Variants in ADAMTS3 observed in about 807,000 individuals in gnomAD.
ADAMTS3 encodes the protein ADAM metallopeptidase with thrombospondin type 1 motif 3, also known as A disintegrin and metalloproteinase with thrombospondin motifs 3.
A neutral mutation model predicts 129.0 loss-of-function variants in ADAMTS3; 73 were observed. The observed-to-expected ratio is 0.57, with a 90% CI of 0.47 to 0.69. ADAMTS3 has a LOEUF of 0.69. Among genes scored for constraint, ADAMTS3 ranks in the 30% least tolerant of loss-of-function variants. The probability of loss-of-function intolerance (pLI) is 0.00; values close to 1 mark genes in which losing one functional copy is unlikely to be tolerated. For synonymous variants in ADAMTS3, 477 were observed against 510.8 expected, an observed-to-expected ratio of 0.93 and a Z score of 0.89; for missense variants, 1,457 against 1,514.5, an observed-to-expected ratio of 0.96 and a Z score of 0.63.
intron 3 of ADAMTS3, among the ~76,000 whole-genome samples, chr4:72,458,961 A>G (rs1241620643): frequency 6.6e-6 from 1 of 151,674 alleles, no homozygotes; most frequent in African/African-American, 2.4e-5. Context: ...ACAGCAATTG[A>G]CAAAAACTGG....
At chr4:72,406,134 G>T (rs757993346) in intron 4 of ADAMTS3, among the ~76,000 whole-genome samples, 2 of 152,062 alleles carry the variant, frequency 1.3e-5, no homozygotes, top group Non-Finnish European at 2.9e-5. Flanking sequence ...TGAGTGAGTG[G>T]ATCATATAGG....
chr4:72,328,329 C>A (rs990596354), intron 5 of ADAMTS3, among the ~76,000 whole-genome samples: 1 of 152,318 alleles, frequency 6.6e-6, no homozygotes, highest in Non-Finnish European at 1.5e-5. Context: ...AAAATTCCTT[C>A]CAGGTTTGTT....
intron 2 of ADAMTS3, among the ~76,000 whole-genome samples, chr4:72,556,926 A>G (rs895262282): frequency 6.6e-6 from 1 of 151,454 alleles, no homozygotes; most frequent in African/African-American, 2.4e-5. Context: ...CTATAATCCC[A>G]CCCAGCCTGA....
chr4:72,283,752 A>C, intron 21 of ADAMTS3, 48 bp from the exon 22 acceptor site: 1 of 1,451,892 alleles, frequency 6.9e-7, no homozygotes. Flanking sequence ...CTAAACATAA[A>C]ATAAAAGGAG....
intron 3 of ADAMTS3, among the ~76,000 whole-genome samples, chr4:72,452,822 TCTAA>T (rs1282053349): frequency 6.6e-6 from 1 of 151,762 alleles, no homozygotes; most frequent in Non-Finnish European, 1.5e-5. Context: ...CTATCTTGGT[TCTAA>T]CTATTTACTT....
intron 4 of ADAMTS3, among the ~76,000 whole-genome samples, chr4:72,365,846 T>G (rs1424773812): frequency 6.6e-6 from 1 of 152,160 alleles, no homozygotes; most frequent in Non-Finnish European, 1.5e-5. Flanking sequence ...GCAAATAATA[T>G]CAATGAAAAC....
intron 3 of ADAMTS3, among the ~76,000 whole-genome samples, chr4:72,506,952 C>T (rs941695997): frequency 2.0e-5 from 3 of 152,148 alleles, no homozygotes; most frequent in Admixed American, 2.0e-4. Flanking sequence ...CTGAAGCACA[C>T]TAAAAGCCTC....
At chr4:72,377,720 T>G (rs1010835095) in intron 4 of ADAMTS3, among the ~76,000 whole-genome samples, 1 of 152,188 alleles carries the variant, frequency 6.6e-6, no homozygotes, top group Non-Finnish European at 1.5e-5. Flanking sequence ...ATGATCTAAG[T>G]GGCCTTTGAT....
intron 3 of ADAMTS3, among the ~76,000 whole-genome samples, chr4:72,444,174 T>A (rs1407506633): frequency 1.3e-5 from 2 of 151,732 alleles, no homozygotes; most frequent in East Asian, 3.9e-4. Context: ...AATACAAACA[T>A]AAAAATGCAC....
In ADAMTS3 at chr4:72,288,860, C is replaced by A; in HGVS notation, c.2940G>T (p.Val980=). The A allele has an allele frequency of 6.2e-7, 1 of 1,608,478 alleles. No homozygotes were observed. Among genetic ancestry groups the A allele is most frequent in the South Asian group, 1.1e-5 (1 of 90,920 alleles). The change falls in exon 21 of 22, where the codon GTG becomes GTT. Residue 980 remains valine, a synonymous_variant. Coordinates refer to ENST00000286657, the MANE Select transcript of ADAMTS3 (RefSeq NM_014243.3). ...TCACCTCCGTTCCTTCACCGCAGGT[C>A]ACTGAACACTGCAGAGACAAAGGCT... is the stretch of plus-strand genomic sequence containing the variant. ...WKTGPWSECS[V]TCGEGTEVRQ... is the part of the protein sequence containing the mutation.
At chr4:72,554,799 A>T (rs1408794806) in intron 2 of ADAMTS3, among the ~76,000 whole-genome samples, 1 of 151,808 alleles carries the variant, frequency 6.6e-6, no homozygotes, top group Non-Finnish European at 1.5e-5. Flanking sequence ...ATACCAAAAT[A>T]CTGTCTAAAT....
chr4:72,437,796 C>G (rs1717988897), intron 3 of ADAMTS3, among the ~76,000 whole-genome samples: 1 of 151,758 alleles, frequency 6.6e-6, no homozygotes, highest in Non-Finnish European at 1.5e-5. Context: ...TCTTTCTGAT[C>G]TCAAAACTGC....
At chr4:72,452,724 A>C (rs1224729472) in intron 3 of ADAMTS3, among the ~76,000 whole-genome samples, 1 of 151,762 alleles carries the variant, frequency 6.6e-6, no homozygotes, top group East Asian at 2.0e-4. Flanking sequence ...GGTCTGAACC[A>C]CACAGTCCTA....
At chr4:72,473,982 T>TC (rs1719153583) in intron 3 of ADAMTS3, among the ~76,000 whole-genome samples, 1 of 152,218 alleles carries the variant, frequency 6.6e-6, no homozygotes, top group Non-Finnish European at 1.5e-5. Flanking sequence ...GAGACACTCC[T>TC]GTCTTCAGGA....
intron 3 of ADAMTS3, among the ~76,000 whole-genome samples, chr4:72,531,770 G>A (rs1055131093): frequency 1.3e-5 from 2 of 152,122 alleles, no homozygotes; most frequent in African/African-American, 4.8e-5. Context: ...TCAAAGGTCC[G>A]CATTATACCA....
chr4:72,327,488 AC>A (rs1346347552), intron 5 of ADAMTS3, among the ~76,000 whole-genome samples: 5 of 152,220 alleles, frequency 3.3e-5, no homozygotes, highest in African/African-American at 9.6e-5. Flanking sequence ...CCTTGAAATA[AC>A]TTTAGAGATA....
chr4:72,530,473 T>A (rs910349178), intron 3 of ADAMTS3, among the ~76,000 whole-genome samples: 1 of 19,664 alleles, frequency 5.1e-5, no homozygotes, highest in Non-Finnish European at 7.9e-5. Context: ...ATATATTAAT[T>A]TAATATATAA....
chr4:72,451,387 A>G (rs1274351878), intron 3 of ADAMTS3, among the ~76,000 whole-genome samples: 1 of 151,844 alleles, frequency 6.6e-6, no homozygotes, highest in African/African-American at 2.4e-5. Context: ...TTCTTACTAG[A>G]AGATTCCAAA....
At chr4:72,364,600 C>A (rs1720819886) in intron 4 of ADAMTS3, among the ~76,000 whole-genome samples, 2 of 146,056 alleles carry the variant, frequency 1.4e-5, no homozygotes, top group African/African-American at 5.1e-5. Context: ...GGTGATAGAG[C>A]AAGACTCCGT....
Sources: allele counts gnomAD v4.1 joint callset (sites outside exome capture counted in the v4.1 genomes callset), GRCh38; gene constraint gnomAD v4.1.1; transcripts MANE v1.5; gene names NCBI Gene and HGNC (gene_info 2026-07-23, HGNC 2026-07-21).